Variants in COL27A1 observed in about 807,000 individuals in gnomAD.
The protein encoded by COL27A1 is collagen alpha-1(XXVII) chain.
A neutral mutation model predicts 251.3 loss-of-function variants in COL27A1; 106 were observed. The ratio of observed to expected loss-of-function variants is 0.42; its 90% confidence interval spans 0.36 to 0.50. COL27A1 has a LOEUF of 0.50. Among genes scored for constraint, COL27A1 ranks in the 20% least tolerant of loss-of-function variants. The pLI is 0.00. For synonymous variants in COL27A1, 1,000 were observed against 986.3 expected (o/e 1.01, Z -0.26); for missense variants, 2,325 against 2,522.8 (o/e 0.92, Z 1.68).
chr9:114,250,789 C>T (rs1372264958), intron 25 of COL27A1, 121 bp downstream of exon 25: 2 of 817,748 alleles, frequency 2.4e-6, no homozygotes, highest in Non-Finnish European at 2.0e-6. Context: ...CTCTCCTGAC[C>T]TGGCATTCTG....
chr9:114,299,970 A>C lies in COL27A1; in HGVS notation c.4585-100A>C. 1.1e-5 allele frequency: 12 copies of C among 1,101,888 alleles called. No homozygotes were observed. The South Asian group carries it at 1.5e-4, about 14-fold the overall frequency. The allele number at this position is 1,101,888 out of a possible 1,614,324, so 68.3% of individuals were successfully genotyped here. On this transcript the variant is annotated intron_variant, in intron 49 of 60. Transcript: ENST00000356083. ...CAGAGGAGTCACTGATATCCCTGGA[A>C]AGGCTGGGAGGGAAAAGGCAGGCCC...
intron 37 of COL27A1, 82 bp from the exon 38 acceptor site, chr9:114,282,195 A>T (rs1476876891): frequency 6.1e-6 from 8 of 1,321,116 alleles, no homozygotes; most frequent in Non-Finnish European, 8.7e-6. Flanking sequence ...TCCAGAGCCG[A>T]CAGTCTGACC....
chr9:114,301,005 C>A, intron 51 of COL27A1, 67 bp from the exon 52 acceptor site: 1 of 1,495,922 alleles, frequency 6.7e-7, no homozygotes, highest in South Asian at 1.3e-5. Flanking sequence ...CTGCCCTCCA[C>A]CCCGCTCCCC....
At chr9:114,258,894 G>A (rs1001953660) in intron 28 of COL27A1, among the ~76,000 whole-genome samples, 6 of 152,314 alleles carry the variant, frequency 3.9e-5, no homozygotes, top group Admixed American at 6.5e-5. Context: ...ACTGTCTGGC[G>A]GACACTGTTG....
intron 5 of COL27A1, among the ~76,000 whole-genome samples, chr9:114,193,180 A>T (rs1588628703): frequency 6.6e-6 from 1 of 152,196 alleles, no homozygotes; most frequent in Middle Eastern, 3.4e-3. Context: ...TCAAGGTGGG[A>T]TAGGAATGGG....
At position 114,168,335 on chromosome 9, in the gene COL27A1, C is replaced by G; in HGVS notation, c.780C>G (p.Phe260Leu). 6.2e-7 allele frequency: 1 copy of G among 1,613,272 alleles called. No homozygotes were observed. The highest frequency in any genetic ancestry group is 1.1e-5 in the South Asian group (1 of 91,078). Reference sequence around the variant, plus strand: ...AAGACTCTGGCAGACCTTTTACCTTCCAGTCCGACCTCGCCCTGCTAGGCC... The same window carrying G: ...AAGACTCTGGCAGACCTTTTACCTTGCAGTCCGACCTCGCCCTGCTAGGCC... ...FSQDSGRPFT[F>L]QSDLALLGLE... is the part of the protein sequence containing the mutation. Residue 260 changes from phenylalanine to leucine, a missense_variant, in exon 3 of 61, where the codon TTC becomes TTG. Physicochemically the swap from Phe to Leu is conservative, Grantham distance 22 (BLOSUM62 0). Transcript: ENST00000356083.
Position 114,290,021 on chromosome 9 carries a change from C to T in COL27A1, c.4207-37C>T, listed in dbSNP as rs773645151. On this transcript the variant is annotated intron_variant, in intron 45 of 60. Coordinates refer to ENST00000356083, the MANE Select transcript of COL27A1 (RefSeq NM_032888.4). This position sits in a 1 kb window ranked among gnomAD's most constrained non-coding sequence, Gnocchi z 4.6. ...GAGCCCCTAGGGTCCCACACCTCTA[C>T]CAGGCAGCCTCCATCATGTGGCCCT... The T allele has an allele frequency of 1.9e-6, 3 of 1,610,286 alleles. No individual in the cohort carries two copies. The South Asian group carries it at 3.3e-5, about 18-fold the overall frequency.
intron 49 of COL27A1, among the ~76,000 whole-genome samples, chr9:114,293,242 T>G (rs957146376): frequency 6.6e-6 from 1 of 152,190 alleles, no homozygotes; most frequent in Non-Finnish European, 1.5e-5. Flanking sequence ...CAGAGAGATC[T>G]GAAAGATCTC....
At chr9:114,265,349 G>C (rs1834665725) in intron 31 of COL27A1, 73 bp from the exon 32 acceptor site, 1 of 1,497,106 alleles carries the variant, frequency 6.7e-7, no homozygotes, top group African/African-American at 1.4e-5. Flanking sequence ...ACACTAGGAT[G>C]GCTTGCTTGA....
chr9:114,251,942 T>C (rs932096161), intron 25 of COL27A1, among the ~76,000 whole-genome samples: 5 of 152,236 alleles, frequency 3.3e-5, no homozygotes, highest in African/African-American at 1.2e-4. Context: ...CTCACCATTG[T>C]ATATTCAGAG....
Position 114,302,102 on chromosome 9 carries a change from C to A in COL27A1, c.4866C>A (p.Ile1622=). The part of the protein sequence containing the change: ...PGPPGPPGGP[I]QLQQDDLGAA... ...TGCAGGGTCCTCCAGGGGGTCCTAT[C>A]CAATTGGTAAGTTGGAAACCTTCTC... The change falls in exon 56 of 61, where the codon ATC becomes ATA. Residue 1622 remains isoleucine, a synonymous_variant. Transcript: ENST00000356083. The A allele has an allele frequency of 6.2e-7, 1 of 1,612,646 alleles. No homozygotes were observed. The highest frequency in any genetic ancestry group is 8.5e-7 in the Non-Finnish European group (1 of 1,178,688).
At chr9:114,266,109 G>A (rs1834724172) in intron 32 of COL27A1, among the ~76,000 whole-genome samples, 1 of 152,128 alleles carries the variant, frequency 6.6e-6, no homozygotes, top group Admixed American at 6.5e-5. Context: ...GGGGCTAGAA[G>A]GATGACTCCT....
Position 114,252,947 on chromosome 9 carries a change from C to T in COL27A1, c.3141+15C>T, listed in dbSNP as rs201852695. 30 of 1,607,342 alleles carry T rather than the reference C, an allele frequency of 1.9e-5. No individual in the cohort carries two copies. In the East Asian group the frequency reaches 5.8e-4, roughly 31 times the overall value. On this transcript the variant is annotated intron_variant, in intron 27 of 60. Transcript: ENST00000356083. ...CTGGACCCCAGGTAAGCAAAGCCCTCGTGATCCCTAAGCTCAAACCACTGT... is the reference window on the plus strand; with the variant it reads ...CTGGACCCCAGGTAAGCAAAGCCCTTGTGATCCCTAAGCTCAAACCACTGT...
intron 28 of COL27A1, among the ~76,000 whole-genome samples, chr9:114,259,082 C>T (rs1210169017): frequency 6.6e-6 from 1 of 152,192 alleles, no homozygotes. Flanking sequence ...CCTACCTGGG[C>T]AGGGTACTAA....
rs1588565741 is a variant in COL27A1, at chr9:114,167,977, C to T, written c.422C>T (p.Ser141Phe). The T allele has an allele frequency of 6.2e-7, 1 of 1,605,952 alleles. No individual in the cohort carries two copies. Among genetic ancestry groups the T allele is most frequent in the Non-Finnish European group, 8.5e-7 (1 of 1,179,840 alleles). ...LPGKTVVHLG[S>F]RRSVAFDLDM... Reference sequence around the variant, plus strand: ...GGCAAGACGGTCGTCCACCTCGGGTCCCGGCGCTCAGTGGCCTTCGACCTC... The same window carrying T: ...GGCAAGACGGTCGTCCACCTCGGGTTCCGGCGCTCAGTGGCCTTCGACCTC... Residue 141 changes from serine (S) to phenylalanine (F), a missense_variant, in exon 3 of 61, where the codon TCC (serine) becomes TTC (phenylalanine). This residue lies in a region of COL27A1 where 1,183 missense variants were observed against 1,144.1 expected (regional missense o/e 1.03). Transcript: ENST00000356083.
intron 34 of COL27A1, 191 bp from the exon 35 acceptor site, chr9:114,269,050 G>A (rs573657744): frequency 2.4e-4 from 125 of 526,172 alleles, no homozygotes; most frequent in Non-Finnish European, 3.6e-4. Flanking sequence ...GAAGAAGTCC[G>A]TGGACAAGGC....
In COL27A1 at chr9:114,209,726, C is replaced by T. The variant is rs1465820080; in HGVS notation, c.2320C>T (p.Arg774Ter). 3.1e-6 allele frequency: 5 copies of T among 1,614,062 alleles called. No homozygotes were observed. The highest frequency in any genetic ancestry group is 4.2e-6 in the Non-Finnish European group (5 of 1,179,942). The change falls in exon 11 of 61, where the codon CGA becomes TGA. Residue 774 changes from arginine (R) to a stop codon, truncating the protein, a stop_gained and splice_region_variant. Coordinates refer to ENST00000356083, the MANE Select transcript of COL27A1 (RefSeq NM_032888.4). LOFTEE classifies it high-confidence loss of function. Reference sequence around the variant, plus strand: ...CGGCCTGCCAGGGTCTGATGGAGAACGAGTAAGTTTGCTTCTTTGGTTATT... The same window carrying T: ...CGGCCTGCCAGGGTCTGATGGAGAATGAGTAAGTTTGCTTCTTTGGTTATT... ...LFGLPGSDGE[R>*]GLPGVPGKRG...
At chr9:114,298,624 C>T (rs776147894) in intron 49 of COL27A1, among the ~76,000 whole-genome samples, 10 of 152,180 alleles carry the variant, frequency 6.6e-5, no homozygotes, top group Non-Finnish European at 1.3e-4. Flanking sequence ...TGGACCTCTG[C>T]TTCACACCAC....
At chr9:114,199,959 G>T (rs890911003) in intron 7 of COL27A1, among the ~76,000 whole-genome samples, 4 of 152,166 alleles carry the variant, frequency 2.6e-5, no homozygotes, top group Non-Finnish European at 4.4e-5. Context: ...AACCTGACTT[G>T]CTTCTCTCCA....
Sources: allele counts gnomAD v4.1 joint callset (sites outside exome capture counted in the v4.1 genomes callset), GRCh38; gene constraint gnomAD v4.1.1; regional missense constraint gnomAD v4.1.1; non-coding constraint Gnocchi (gnomAD v3.1); transcripts MANE v1.5; gene names NCBI Gene and HGNC (gene_info 2026-07-23, HGNC 2026-07-21).